The following SHKBP1 variants were observed in gnomAD, a reference collection of about 807,000 sequenced individuals.
SHKBP1 encodes SH3KBP1-binding protein 1.
In SHKBP1, 71 loss-of-function variants were observed where a neutral mutation model predicts 83.9. That is an observed-to-expected ratio of 0.85 (90% CI 0.70 to 1.03). The LOEUF (loss-of-function observed/expected upper bound fraction) is 1.03. Ranked by LOEUF, SHKBP1 falls within the 50% of genes least tolerant of loss-of-function variation. The pLI, the probability that SHKBP1 is intolerant of heterozygous loss-of-function variation, is 0.00. For missense variants in SHKBP1, 824 were observed against 982.4 expected, an observed-to-expected ratio of 0.84 and a Z score of 2.16; for synonymous variants, 371 against 398.0, an observed-to-expected ratio of 0.93 and a Z score of 0.81.
At chr19:40,586,237 T>C (rs1236774819) in intron 12 of SHKBP1, among the ~76,000 whole-genome samples, 1 of 152,160 alleles carries the variant, frequency 6.6e-6, no homozygotes, top group Non-Finnish European at 1.5e-5. Context: ...TCTCTGGGCC[T>C]CTCCTCCTTT....
In SHKBP1 at chr19:40,590,209, G is replaced by T. The variant is rs537246837; in HGVS notation, c.1590-35G>T. 5 of 1,516,996 alleles carry T rather than the reference G, an allele frequency of 3.3e-6. No homozygotes were observed. In the South Asian group the frequency reaches 6.1e-5, roughly 19 times the overall value. 94.0% of individuals were successfully genotyped at this position (1,516,996 alleles called of 1,614,324 possible). A position where few individuals can be genotyped will look rare whatever the true frequency, so the allele number is the denominator to read the frequency against. On this transcript the variant is annotated intron_variant, in intron 15 of 17. Transcript: ENST00000291842. The surrounding 1 kb of genome is among the most constrained non-coding windows in gnomAD (Gnocchi z 4.6). ...GACTGGGACGAGGAAGGGTGAGAAA[G>T]CGAGGGTGACCACCTCCCCCACTGC...
intron 5 of SHKBP1, 30 bp from the exon 6 acceptor site, chr19:40,578,432 A>T (rs780421993): frequency 6.2e-7 from 1 of 1,613,028 alleles, no homozygotes; most frequent in Admixed American, 1.7e-5. Flanking sequence ...CATCTCCCTA[A>T]GTCCCAGCCT....
At chr19:40,588,144 G>A (rs999909200) in intron 13 of SHKBP1, among the ~76,000 whole-genome samples, 40 of 152,206 alleles carry the variant, frequency 2.6e-4, no homozygotes, top group African/African-American at 9.6e-4. Context: ...GCCTGAGGAA[G>A]TGCAGGGAGC....
At chr19:40,585,321 A>G (rs553275298) in intron 12 of SHKBP1, among the ~76,000 whole-genome samples, 1 of 151,520 alleles carries the variant, frequency 6.6e-6, no homozygotes, top group East Asian at 1.9e-4. Flanking sequence ...TGCCCAGGCT[A>G]CTCTTGAACT....
intron 4 of SHKBP1, 190 bp from the exon 5 acceptor site, chr19:40,577,948 TACACACACACACACAC>T (rs58880858): frequency 4.3e-4 from 242 of 567,658 alleles, no homozygotes; most frequent in Middle Eastern, 1.3e-3. Context: ...GATTTCTCCC[TACACACACACACACAC>T]ACACACACAC....
chr19:40,588,531 C>G, intron 13 of SHKBP1, 93 bp from the exon 14 acceptor site: 1 of 1,497,604 alleles, frequency 6.7e-7, no homozygotes, highest in Non-Finnish European at 9.2e-7. Context: ...AGGGCTGACC[C>G]TCCTGAAACG....
chr19:40,588,937 C>T (rs548437832), intron 14 of SHKBP1, 145 bp from the exon 15 acceptor site: 1 of 1,247,798 alleles, frequency 8.0e-7, no homozygotes, highest in South Asian at 1.4e-5. Context: ...CTGCCACAAC[C>T]CCCCAGCCCT....
At position 40,580,508 on chromosome 19, in the gene SHKBP1, G is replaced by T. The variant is rs775608501; in HGVS notation, c.562+23G>T. ...CAGGTACGTTTCTATCTCGTGGAAG[G>T]TTGGGGCAGCTGTGGGGTCCCTGTG... On this transcript the variant is annotated intron_variant, in intron 7 of 17. Transcript: ENST00000291842. The T allele has an allele frequency of 3.1e-6, 5 of 1,613,784 alleles. No homozygotes were observed. The East Asian group carries it at 8.9e-5, about 29-fold the overall frequency.
chr19:40,581,805 G>GT (rs1017967149), intron 9 of SHKBP1, among the ~76,000 whole-genome samples: 8 of 152,204 alleles, frequency 5.3e-5, no homozygotes, highest in East Asian at 1.9e-4. Flanking sequence ...ACCAGTGGAG[G>GT]TTTTTTTGCC....
intron 6 of SHKBP1, among the ~76,000 whole-genome samples, chr19:40,579,219 C>CCTTCCACCTCAGAG (rs1245579962): frequency 6.6e-6 from 1 of 152,004 alleles, no homozygotes; most frequent in East Asian, 1.9e-4. Flanking sequence ...TTCAAGCCAT[C>CCTTCCACCTCAGAG]CTTCCACCTC....
chr19:40,586,459 T>A (rs2081312784), intron 12 of SHKBP1, among the ~76,000 whole-genome samples: 1 of 151,890 alleles, frequency 6.6e-6, no homozygotes, highest in African/African-American at 2.4e-5. Flanking sequence ...CTCTGCCTCC[T>A]GGGTTCAAGC....
At position 40,590,554 on chromosome 19, in the gene SHKBP1, C is replaced by A; in HGVS notation, c.1768+132C>A. On this transcript the variant is annotated intron_variant, in intron 16 of 17. Coordinates refer to ENST00000291842, the MANE Select transcript of SHKBP1 (RefSeq NM_138392.4). The surrounding 1 kb of genome is among the most constrained non-coding windows in gnomAD (Gnocchi z 4.6). ...CCCTTTTCCTTTGACCCCCTCTCTGCTCCCCATCCCTTCCTGCCCTTGTTT... is the reference window on the plus strand; with the variant it reads ...CCCTTTTCCTTTGACCCCCTCTCTGATCCCCATCCCTTCCTGCCCTTGTTT... 7.9e-7 allele frequency: 1 copy of A among 1,258,016 alleles called. No homozygotes were observed. The highest frequency in any genetic ancestry group is 1.1e-6 in the Non-Finnish European group (1 of 905,102). The allele number at this position is 1,258,016 out of a possible 1,614,324, so 77.9% of individuals were successfully genotyped here.
Position 40,590,568 on chromosome 19 carries a change from CT to C in SHKBP1, c.1768+147del. ...CCCCCTCTCTGCTCCCCATCCCTTCCTGCCCTTGTTTTTCAACCCCTGTCTC... is the reference window on the plus strand; with the variant it reads ...CCCCCTCTCTGCTCCCCATCCCTTCCGCCCTTGTTTTTCAACCCCTGTCTC... On this transcript the variant is annotated intron_variant, in intron 16 of 17. Transcript: ENST00000291842. The surrounding 1 kb of genome is among the most constrained non-coding windows in gnomAD (Gnocchi z 4.6). 7.8e-7 allele frequency: 1 copy of C among 1,278,614 alleles called. No homozygotes were observed. The highest frequency in any genetic ancestry group is 1.1e-6 in the Non-Finnish European group (1 of 921,456). The allele number at this position is 1,278,614 out of a possible 1,614,324, so 79.2% of individuals were successfully genotyped here.
intron 11 of SHKBP1, 53 bp from the exon 12 acceptor site, chr19:40,583,548 G>GA: frequency 1.2e-6 from 2 of 1,611,236 alleles, no homozygotes; most frequent in Non-Finnish European, 1.7e-6. Flanking sequence ...AAGGGAGGGA[G>GA]AGAGGCTGGG....
At position 40,590,804 on chromosome 19, in the gene SHKBP1, C is replaced by G; in HGVS notation, c.1843C>G (p.Pro615Ala). The change falls in exon 17 of 18, where the codon CCC becomes GCC. Residue 615 changes from proline (P) to alanine (A), a missense_variant. Physicochemically the swap from Pro to Ala is conservative, Grantham distance 27. Transcript: ENST00000291842. This position sits in a 1 kb window ranked among gnomAD's most constrained non-coding sequence, Gnocchi z 4.6. ...CELAPPAPSA[P>A]SWGCLPSPSP... The stretch of plus-strand genomic sequence containing the variant: ...GCTGGCCCCGCCGGCTCCTTCAGCT[C>G]CCTCATGGGGCTGTCTCCCCAGCCC... The G allele has an allele frequency of 6.2e-7, 1 of 1,601,798 alleles. No homozygotes were observed. Among genetic ancestry groups the G allele is most frequent in the Admixed American group, 1.7e-5 (1 of 59,696 alleles).
In SHKBP1 at chr19:40,580,922, G is replaced by A. The variant is rs1379917394; in HGVS notation, c.830G>A (p.Gly277Asp). ...ILLWALQAEG[G>D]GSEIGVFHLG... ...CTATGGGCTCTGCAGGCGGAAGGCG[G>A]TGGCTCCGAGATAGGTATGACCCCA... Residue 277 changes from glycine to aspartate, a missense_variant, in exon 9 of 18, where the codon GGT becomes GAT. Gly to Asp is a moderately conservative substitution (Grantham distance 94, BLOSUM62 -1). Coordinates refer to ENST00000291842, the MANE Select transcript of SHKBP1 (RefSeq NM_138392.4). 1.9e-6 allele frequency: 3 copies of A among 1,572,184 alleles called. No homozygotes were observed. The highest frequency in any genetic ancestry group is 3.7e-5 in the Admixed American group (2 of 54,236).
At chr19:40,587,708 C>T (rs1412657748) in intron 13 of SHKBP1, among the ~76,000 whole-genome samples, 1 of 152,168 alleles carries the variant, frequency 6.6e-6, no homozygotes, top group Non-Finnish European at 1.5e-5. Context: ...TGAGACCAAC[C>T]TGGACAACAA....
chr19:40,577,009 T>A (rs2145972564), intron 1 of SHKBP1, 24 bp downstream of exon 1: 2 of 1,425,472 alleles, frequency 1.4e-6, no homozygotes, highest in Admixed American at 2.6e-5. Flanking sequence ...ACTCCTGAGG[T>A]CCCATCCTCG....
chr19:40,587,074 T>C, intron 13 of SHKBP1, 130 bp downstream of exon 13: 1 of 829,402 alleles, frequency 1.2e-6, no homozygotes, highest in Admixed American at 2.7e-5. Flanking sequence ...AGGATTGACC[T>C]GGGATGGGAC....
Sources: allele counts gnomAD v4.1 joint callset (sites outside exome capture counted in the v4.1 genomes callset), GRCh38; gene constraint gnomAD v4.1.1; non-coding constraint Gnocchi (gnomAD v3.1); transcripts MANE v1.5; gene names NCBI Gene and HGNC (gene_info 2026-07-23, HGNC 2026-07-21).